ZFYVE9: variants seen among roughly 807,000 people sequenced by gnomAD.
ZFYVE9 encodes zinc finger FYVE-type containing 9, also known as zinc finger FYVE domain-containing protein 9.
In ZFYVE9, 43 loss-of-function variants were observed where a neutral mutation model predicts 126.7. The observed-to-expected ratio is 0.34, with a 90% CI of 0.27 to 0.44. ZFYVE9 has a LOEUF of 0.44. ZFYVE9 is among the 20% of genes least tolerant of loss of function. The pLI is 1.00. For synonymous variants in ZFYVE9, 521 were observed against 597.4 expected, an observed-to-expected ratio of 0.87 and a Z score of 1.87; for missense variants, 1,476 against 1,697.0, an observed-to-expected ratio of 0.87 and a Z score of 2.29.
intron 9 of ZFYVE9, among the ~76,000 whole-genome samples, chr1:52,280,349 CAG>C (rs10606764): frequency 0.047 from 7,098 of 150,920 alleles, 555 homozygotes; most frequent in African/African-American, 0.16. Context: ...CACTGCACTC[CAG>C]CCTGAATGAC....
At chr1:52,320,381 T>C (rs1646228555) in intron 13 of ZFYVE9, among the ~76,000 whole-genome samples, 1 of 152,176 alleles carries the variant, frequency 6.6e-6, no homozygotes, top group South Asian at 2.1e-4. Context: ...TTAAGATGTA[T>C]TTTAAAAGTA....
At chr1:52,272,275 C>T (rs1322783072) in intron 7 of ZFYVE9, among the ~76,000 whole-genome samples, 1 of 152,218 alleles carries the variant, frequency 6.6e-6, no homozygotes, top group African/African-American at 2.4e-5. Flanking sequence ...TGTGTATACA[C>T]ACACAAACAC....
intron 13 of ZFYVE9, among the ~76,000 whole-genome samples, chr1:52,323,238 G>C (rs910449379): frequency 4.6e-5 from 7 of 152,182 alleles, no homozygotes; most frequent in Non-Finnish European, 8.8e-5. Context: ...CCCATGCAGT[G>C]GGATAAAAGC....
At chr1:52,261,253 G>GTT (rs956422298) in intron 4 of ZFYVE9, among the ~76,000 whole-genome samples, 1 of 146,506 alleles carries the variant, frequency 6.8e-6, no homozygotes, top group African/African-American at 2.5e-5. Context: ...TTGAGACAGG[G>GTT]TTTTGCTGTG....
rs1336610643 is a variant in ZFYVE9, at chr1:52,146,929, G to A, written c.-143+4526G>A. Among the ~76,000 whole-genome samples the A allele has an allele frequency of 2.6e-5, 4 of 152,196 alleles. No homozygotes were observed. In the East Asian group the frequency reaches 5.8e-4, roughly 22 times the overall value. ...TCCCTAATCCAAAAGTCTGAAATTC[G>A]AAATGCTCAAAGGTCCAAAACTTTT... On this transcript the variant is annotated intron_variant, in intron 1 of 18. Coordinates refer to ENST00000287727, the MANE Select transcript of ZFYVE9 (RefSeq NM_004799.4).
At position 52,238,440 on chromosome 1, in the gene ZFYVE9, C is replaced by T; in HGVS notation, c.1023C>T (p.Leu341=). 1.2e-6 allele frequency: 2 copies of T among 1,614,060 alleles called. No homozygotes were observed. Among genetic ancestry groups the T allele is most frequent in the Non-Finnish European group, 1.7e-6 (2 of 1,179,960 alleles). The change falls in exon 4 of 19, where the codon CTC becomes CTT. Residue 341 remains leucine (L), a synonymous_variant. Coordinates refer to ENST00000287727, the MANE Select transcript of ZFYVE9 (RefSeq NM_004799.4). ...ESLRSGLPLL[L]KPDMPNGSGR... is the part of the protein sequence containing the mutation. Reference sequence around the variant, plus strand: ...TCCGGTCTGGTTTACCTTTGCTTCTCAAACCAGACATGCCTAATGGGTCTG... The same window carrying T: ...TCCGGTCTGGTTTACCTTTGCTTCTTAAACCAGACATGCCTAATGGGTCTG...
At chr1:52,231,448 G>C (rs1375351812) in intron 2 of ZFYVE9, among the ~76,000 whole-genome samples, 4 of 151,788 alleles carry the variant, frequency 2.6e-5, no homozygotes, top group African/African-American at 7.3e-5. Context: ...AATCCAGGAG[G>C]GGGAGGTTGC....
chr1:52,331,056 A>G (rs761613934), intron 13 of ZFYVE9, among the ~76,000 whole-genome samples: 4 of 151,870 alleles, frequency 2.6e-5, no homozygotes, highest in African/African-American at 9.7e-5. Flanking sequence ...TTTAGTAGAG[A>G]TGGGGTTTTA....
At chr1:52,334,599 G>C (rs1646372554) in intron 14 of ZFYVE9, 89 bp from the exon 15 acceptor site, 2 of 1,376,636 alleles carry the variant, frequency 1.5e-6, no homozygotes, top group Non-Finnish European at 2.0e-6. Flanking sequence ...ATGATGGTCG[G>C]AATTCTCAAC....
chr1:52,331,086 C>G (rs1285097595), intron 13 of ZFYVE9, among the ~76,000 whole-genome samples: 1 of 152,040 alleles, frequency 6.6e-6, no homozygotes, highest in Non-Finnish European at 1.5e-5. Flanking sequence ...CCAGGCTGGT[C>G]TCGAACTCCT....
intron 1 of ZFYVE9, among the ~76,000 whole-genome samples, chr1:52,153,498 C>G (rs1313249286): frequency 6.6e-6 from 1 of 152,192 alleles, no homozygotes; most frequent in Non-Finnish European, 1.5e-5. Context: ...TGCATTTGCC[C>G]ATTCATAGTC....
Position 52,291,395 on chromosome 1 carries a change from T to C in ZFYVE9, c.3026-2058T>C, listed in dbSNP as rs1408113163. ...ATGGAGATTGCTTCATTGGGTGTTATTGCTTTCAAAGGTATCAAAGGAAGC... is the reference window on the plus strand; with the variant it reads ...ATGGAGATTGCTTCATTGGGTGTTACTGCTTTCAAAGGTATCAAAGGAAGC... On this transcript the variant is annotated intron_variant, in intron 10 of 18. Coordinates refer to ENST00000287727, the MANE Select transcript of ZFYVE9 (RefSeq NM_004799.4). Among the ~76,000 whole-genome samples, 4 of 152,222 alleles carry C rather than the reference T, an allele frequency of 2.6e-5. No individual in the cohort carries two copies. In the East Asian group the frequency reaches 5.8e-4, roughly 22 times the overall value.
chr1:52,145,445 G>A (rs573706594), intron 1 of ZFYVE9, among the ~76,000 whole-genome samples: 4 of 152,302 alleles, frequency 2.6e-5, no homozygotes, highest in South Asian at 2.1e-4. Context: ...AAGATATGGC[G>A]TATATATGTG....
Position 52,142,513 on chromosome 1 carries a change from C to CTCCCCCG in ZFYVE9, c.-143+116_-143+117insGTCCCCC. ...CGGGGCGTCCTGCCACTGCGGTCGC[C>CTCCCCCG]TCCCCCACCCTGCGGTCCTGGGGCC... On this transcript the variant is annotated intron_variant, in intron 1 of 18. Coordinates refer to ENST00000287727, the MANE Select transcript of ZFYVE9 (RefSeq NM_004799.4). The surrounding 1 kb of genome is among the most constrained non-coding windows in gnomAD (Gnocchi z 4.5). The CTCCCCCG allele has an allele frequency of 6.6e-6, 1 of 152,130 alleles. No homozygotes were observed. The highest frequency in any genetic ancestry group is 2.4e-5 in the African/African-American group (1 of 41,448). The allele number at this position is 152,130 out of a possible 1,614,324, so 9.4% of individuals were successfully genotyped here. A position where few individuals can be genotyped will look rare whatever the true frequency, so the allele number is the denominator to read the frequency against.
At position 52,242,181 on chromosome 1, in the gene ZFYVE9, G is replaced by A. The variant is rs1830567; in HGVS notation, c.2178+2586G>A. On this transcript the variant is annotated intron_variant, in intron 4 of 18. Transcript: ENST00000287727. ...TGAGTAGCTGGGACCACAGGCATGC[G>A]CCAACGGGCCTGGCTAGTTTTTGTA... Among the ~76,000 whole-genome samples, 131 of 152,080 alleles carry A rather than the reference G, an allele frequency of 8.6e-4. 3 individuals are homozygous for A. The South Asian group carries it at 0.024, about 28-fold the overall frequency.
At chr1:52,293,224 A>G (rs1253894919) in intron 10 of ZFYVE9, among the ~76,000 whole-genome samples, 4 of 151,866 alleles carry the variant, frequency 2.6e-5, no homozygotes, top group African/African-American at 9.7e-5. Flanking sequence ...TAAAAATACA[A>G]AAAAGTTAGC....
intron 9 of ZFYVE9, among the ~76,000 whole-genome samples, chr1:52,279,910 A>G (rs1645785206): frequency 6.6e-6 from 1 of 152,164 alleles, no homozygotes; most frequent in African/African-American, 2.4e-5. Context: ...AACATATACT[A>G]CTTCCTTAGA....
chr1:52,176,553 G>C (rs578242929), intron 1 of ZFYVE9, among the ~76,000 whole-genome samples: 1 of 152,172 alleles, frequency 6.6e-6, no homozygotes, highest in Non-Finnish European at 1.5e-5. Flanking sequence ...GTCTGCAGAG[G>C]TTACTGCTGT....
chr1:52,189,801 T>G (rs1318481341), intron 1 of ZFYVE9: 1 of 152,218 alleles, frequency 6.6e-6, no homozygotes, highest in African/African-American at 2.4e-5. Flanking sequence ...TTATCCATTT[T>G]GAGTTAATTT....
Sources: allele counts gnomAD v4.1 joint callset (sites outside exome capture counted in the v4.1 genomes callset), GRCh38; gene constraint gnomAD v4.1.1; non-coding constraint Gnocchi (gnomAD v3.1); transcripts MANE v1.5; gene names NCBI Gene and HGNC (gene_info 2026-07-23, HGNC 2026-07-21).